PTGS2: variants seen among roughly 807,000 people sequenced by gnomAD.
PTGS2 encodes prostaglandin-endoperoxide synthase 2, also known as prostaglandin G/H synthase 2.
Under a neutral mutation model 63.8 loss-of-function variants are expected in PTGS2, and 14 were observed. The ratio of observed to expected loss-of-function variants is 0.22; its 90% confidence interval spans 0.14 to 0.34. The LOEUF (loss-of-function observed/expected upper bound fraction) is 0.34. Ranked by LOEUF, PTGS2 falls within the 10% of genes least tolerant of loss-of-function variation. PTGS2 has a pLI of 1.00. For missense variants in PTGS2, 533 were observed against 738.5 expected, an observed-to-expected ratio of 0.72 and a Z score of 3.23; for synonymous variants, 271 against 259.5, an observed-to-expected ratio of 1.04 and a Z score of -0.43.
chr1:186,675,218 A>C, intron 9 of PTGS2, 31 bp downstream of exon 9: 1 of 1,597,408 alleles, frequency 6.3e-7, no homozygotes, highest in Non-Finnish European at 8.5e-7. Flanking sequence ...AAACAAACAA[A>C]AAACGAAGAA....
Position 186,678,244 on chromosome 1 carries a change from G to C in PTGS2, c.457+17C>G. Reference sequence around the variant, plus strand: ...GTCTTATAGTTAATACATCTCTAATGGATTCTTCTTACTCACCTTTGACAC... The same window carrying C: ...GTCTTATAGTTAATACATCTCTAATCGATTCTTCTTACTCACCTTTGACAC... On this transcript the variant is annotated intron_variant, in intron 4 of 9. Coordinates refer to ENST00000367468, the MANE Select transcript of PTGS2 (RefSeq NM_000963.4). The C allele has an allele frequency of 3.1e-6, 5 of 1,589,736 alleles. No individual in the cohort carries two copies. Among genetic ancestry groups the C allele is most frequent in the Non-Finnish European group, 4.3e-6 (5 of 1,170,592 alleles).
At chr1:186,676,358 G>T (rs1172352471) in intron 7 of PTGS2, 109 bp downstream of exon 7, 7 of 1,442,414 alleles carry the variant, frequency 4.9e-6, no homozygotes, top group African/African-American at 1.4e-5. Flanking sequence ...TATATAGAAT[G>T]TGTGAGTTTT....
chr1:186,675,186 A>C, intron 9 of PTGS2, 63 bp downstream of exon 9: 1 of 1,592,910 alleles, frequency 6.3e-7, no homozygotes, highest in East Asian at 2.2e-5. Flanking sequence ...CGAAAAGAAA[A>C]CCAAAAACAA....
intron 1 of PTGS2, 42 bp from the exon 2 acceptor site, chr1:186,679,480 T>A (rs1177070490): frequency 7.3e-7 from 1 of 1,375,666 alleles, no homozygotes. Context: ...TCTAGTGTCT[T>A]AATCTTAATT....
At position 186,673,893 on chromosome 1, in the gene PTGS2, C is replaced by G. The variant is rs1486127728; in HGVS notation, c.*460G>C. 6.6e-6 allele frequency: 1 copy of G among 152,314 alleles called. No homozygotes were observed. The highest frequency in any genetic ancestry group is 1.5e-5 in the Non-Finnish European group (1 of 68,052). 9.4% of individuals were successfully genotyped at this position (152,314 alleles called of 1,614,324 possible). A position where few individuals can be genotyped will look rare whatever the true frequency, so the allele number is the denominator to read the frequency against. On this transcript the variant is annotated 3_prime_UTR_variant, in exon 10 of 10. Transcript: ENST00000367468. ...ATTTAAATATTCATTTAATAATGCA[C>G]TGATACCTGTTTTTGTTTGATGACA...
chr1:186,679,073 T>C lies in PTGS2; in HGVS notation c.298A>G (p.Ser100Gly), dbSNP rs1478192334. 3.7e-6 allele frequency: 6 copies of C among 1,613,768 alleles called. No homozygotes were observed. The East Asian group carries it at 1.3e-4, about 36-fold the overall frequency. Residue 100 changes from serine to glycine, a missense_variant, in exon 3 of 10, where the codon AGT (serine) becomes GGT (glycine). By Grantham distance (56) the Ser-to-Gly change is moderately conservative (BLOSUM62 0). Coordinates refer to ENST00000367468, the MANE Select transcript of PTGS2 (RefSeq NM_000963.4). ...TTGTACTTACATGTCAACACATAACTCATAATTGCATTTCGAAGGAAGGGA... is the reference window on the plus strand; with the variant it reads ...TTGTACTTACATGTCAACACATAACCCATAATTGCATTTCGAAGGAAGGGA... Reference protein sequence around the residue: ...NIPFLRNAIMSYVLTSRSHLI... With the variant: ...NIPFLRNAIMGYVLTSRSHLI...
chr1:186,679,295 A>G (rs1407749072), intron 2 of PTGS2, 27 bp downstream of exon 2: 1 of 1,613,514 alleles, frequency 6.2e-7, no homozygotes, highest in African/African-American at 1.3e-5. Context: ...CCCCACTCCT[A>G]ATGAGGCAAC....
rs562949245 is a variant in PTGS2, at chr1:186,676,436, A to G, written c.970+31T>C. On this transcript the variant is annotated intron_variant, in intron 7 of 9. Coordinates refer to ENST00000367468, the MANE Select transcript of PTGS2 (RefSeq NM_000963.4). ...AGCACACTAATTTTCCCTGGGGAAG[A>G]GGGTTTTATATAAATCATTTTCTTG... 2.2e-5 allele frequency: 35 copies of G among 1,601,936 alleles called. No homozygotes were observed. In the South Asian group the frequency reaches 2.9e-4, roughly 13 times the overall value.
chr1:186,676,503 C>G lies in PTGS2; in HGVS notation c.934G>C (p.Glu312Gln). 1 of 1,614,152 alleles carries G rather than the reference C, an allele frequency of 6.2e-7. No homozygotes were observed. Among genetic ancestry groups the G allele is most frequent in the East Asian group, 2.2e-5 (1 of 44,882 alleles). Residue 312 changes from glutamate (E) to glutamine (Q), a missense_variant, in exon 7 of 10, where the codon GAG becomes CAG. By Grantham distance (29) the Glu-to-Gln change is conservative. Coordinates refer to ENST00000367468, the MANE Select transcript of PTGS2 (RefSeq NM_000963.4). ...LKQEHPEWGD[E>Q]QLFQTSRLIL... ...AGCCTGCTTGTCTGGAACAACTGCT[C>G]ATCACCCCATTCAGGATGCTCCTGT...
Position 186,677,650 on chromosome 1 carries a change from C to A in PTGS2, c.638G>T (p.Gly213Val). The A allele has an allele frequency of 6.2e-7, 1 of 1,606,584 alleles. No homozygotes were observed. Among genetic ancestry groups the A allele is most frequent in the Non-Finnish European group, 8.5e-7 (1 of 1,177,254 alleles). ...GPAFTNGLGH[G>V]VDLNHIYGET... ...TCTAAGATATTAACTCTATCTTACCCCATGGCCCAGCCCGTTGGTGAAAGC... is the reference window on the plus strand; with the variant it reads ...TCTAAGATATTAACTCTATCTTACCACATGGCCCAGCCCGTTGGTGAAAGC... Residue 213 changes from glycine to valine, a missense_variant and splice_region_variant, in exon 5 of 10, where the codon GGG becomes GTG. Transcript: ENST00000367468.
Position 186,674,586 on chromosome 1 carries a change from G to C in PTGS2, c.1582C>G (p.Pro528Ala), listed in dbSNP as rs1202327911. The C allele has an allele frequency of 6.2e-7, 1 of 1,614,190 alleles. No individual in the cohort carries two copies. The highest frequency in any genetic ancestry group is 2.2e-5 in the East Asian group (1 of 44,872). Residue 528 changes from proline to alanine, a missense_variant, in exon 10 of 10, where the codon CCT (proline) becomes GCT (alanine). Pro to Ala is a conservative substitution (Grantham distance 27). This residue lies in a region of PTGS2 where 219 missense variants were observed against 267.4 expected (regional missense o/e 0.82). Transcript: ENST00000367468. ...AAAGTGCTTGGCTTCCAGTAGGCAGGAGAACATATAACATTACCCATAAGT... is the reference window on the plus strand; with the variant it reads ...AAAGTGCTTGGCTTCCAGTAGGCAGCAGAACATATAACATTACCCATAAGT... The part of the protein sequence containing the change: ...KGLMGNVICS[P>A]AYWKPSTFGG...
In PTGS2 at chr1:186,675,722, C is replaced by T. The variant is rs188076578; in HGVS notation, c.1257+176G>A. ...TTGCTATTTGTCTGACAACTGTAGA[C>T]TAGACTAAAAGTTTAGACTTTTCAA... On this transcript the variant is annotated intron_variant, in intron 8 of 9. Coordinates refer to ENST00000367468, the MANE Select transcript of PTGS2 (RefSeq NM_000963.4). 2.3e-5 allele frequency: 17 copies of T among 735,826 alleles called. No homozygotes were observed. The Admixed American group carries it at 2.7e-4, about 12-fold the overall frequency. 45.6% of individuals were successfully genotyped at this position (735,826 alleles called of 1,614,324 possible).
chr1:186,674,944 C>T (rs1271862550), intron 9 of PTGS2, among the ~76,000 whole-genome samples, 182 bp from the exon 10 acceptor site: 2 of 152,200 alleles, frequency 1.3e-5, no homozygotes, highest in Non-Finnish European at 2.9e-5. Flanking sequence ...TTCGGGAGGC[C>T]GAAGCCGGCG....
intron 3 of PTGS2, among the ~76,000 whole-genome samples, chr1:186,678,788 G>A (rs1303868815): frequency 6.6e-6 from 1 of 152,074 alleles, no homozygotes; most frequent in Non-Finnish European, 1.5e-5. Context: ...TGGCCCATGG[G>A]CATTCAATAA....
At chr1:186,678,473 T>C (rs537089358) in intron 3 of PTGS2, 69 bp from the exon 4 acceptor site, 6 of 1,413,932 alleles carry the variant, frequency 4.2e-6, no homozygotes, top group Admixed American at 5.0e-5. Context: ...ATTATTTTTA[T>C]TGTAAAATGT....
chr1:186,674,661 T>C lies in PTGS2; in HGVS notation c.1507A>G (p.Ile503Val). The C allele has an allele frequency of 6.2e-7, 1 of 1,614,230 alleles. No homozygotes were observed. The highest frequency in any genetic ancestry group is 8.5e-7 in the Non-Finnish European group (1 of 1,180,040). Reference sequence around the variant, plus strand: ...ACTTCTACCATGGTTTCACCAAAGATGGCATCTGGCCGAGGCTTTTCTACC... The same window carrying C: ...ACTTCTACCATGGTTTCACCAAAGACGGCATCTGGCCGAGGCTTTTCTACC... ...LLVEKPRPDA[I>V]FGETMVEVGA... Residue 503 changes from isoleucine (I) to valine (V), a missense_variant, in exon 10 of 10, where the codon ATC becomes GTC. This residue lies in a region of PTGS2 where 219 missense variants were observed against 267.4 expected (regional missense o/e 0.82). Transcript: ENST00000367468.
Position 186,678,379 on chromosome 1 carries a change from T to C in PTGS2, c.339A>G (p.Pro113=). The stretch of plus-strand genomic sequence containing the variant: ...AGCCATAGTCAGCATTGTAAGTTGG[T>C]GGACTGTCAATCAAATGTGATCTGG... ...LTSRSHLIDS[P]PTYNADYGYK... is the part of the protein sequence containing the mutation. Residue 113 remains proline (P), a synonymous_variant, in exon 4 of 10, where the codon CCA becomes CCG. Coordinates refer to ENST00000367468, the MANE Select transcript of PTGS2 (RefSeq NM_000963.4). The C allele has an allele frequency of 6.2e-7, 1 of 1,609,194 alleles. No homozygotes were observed. The highest frequency in any genetic ancestry group is 1.7e-4 in the Middle Eastern group (1 of 6,054).
In PTGS2 at chr1:186,674,779, GAC is replaced by G. The variant is rs751488613; in HGVS notation, c.1406-19_1406-18del. 51 of 1,583,662 alleles carry G rather than the reference GAC, an allele frequency of 3.2e-5. No individual in the cohort carries two copies. The highest frequency in any genetic ancestry group is 3.9e-5 in the Non-Finnish European group (46 of 1,166,902). On this transcript the variant is annotated intron_variant, in intron 9 of 9. Coordinates refer to ENST00000367468, the MANE Select transcript of PTGS2 (RefSeq NM_000963.4). ...CCTTTTCTCCTGTGAAGGCGATGAA[GAC>G]AGAGATACAACCAATGTCAAACTTC...
Position 186,674,262 on chromosome 1 carries a change from A to C in PTGS2, c.*91T>G. Reference sequence around the variant, plus strand: ...ACTGACTTCTGTTACAGAAGATGTTAAGTAACATAAGGAGTTTAATATAAA... The same window carrying C: ...ACTGACTTCTGTTACAGAAGATGTTCAGTAACATAAGGAGTTTAATATAAA... On this transcript the variant is annotated 3_prime_UTR_variant, in exon 10 of 10. Coordinates refer to ENST00000367468, the MANE Select transcript of PTGS2 (RefSeq NM_000963.4). The C allele has an allele frequency of 3.6e-6, 3 of 828,390 alleles. No homozygotes were observed. The South Asian group carries it at 1.8e-4, about 51-fold the overall frequency. 51.3% of individuals were successfully genotyped at this position (828,390 alleles called of 1,614,324 possible). A position where few individuals can be genotyped will look rare whatever the true frequency, so the allele number is the denominator to read the frequency against.
Sources: gnomAD v4.1 joint callset for allele counts (sites outside exome capture counted in the v4.1 genomes callset) on GRCh38, gnomAD v4.1.1 for gene constraint, gnomAD v4.1.1 regional missense constraint, MANE v1.5 for transcripts, NCBI Gene and HGNC (gene_info 2026-07-23, HGNC 2026-07-21) for gene names.